Variants in NUBPL observed in about 807,000 individuals in gnomAD.
The protein encoded by NUBPL is NUBP iron-sulfur cluster assembly factor, mitochondrial, also known as iron-sulfur cluster transfer protein NUBPL.
Under a neutral mutation model 45.7 loss-of-function variants are expected in NUBPL, and 31 were observed. That is an observed-to-expected ratio of 0.68 (90% CI 0.51 to 0.92). The LOEUF is 0.92. Ranked by LOEUF, NUBPL falls within the 40% of genes least tolerant of loss-of-function variation. The pLI is 0.00. For missense variants in NUBPL, 401 were observed against 398.7 expected (o/e 1.01, Z -0.05); for synonymous variants, 144 against 140.9 (o/e 1.02, Z -0.15).
At chr14:31,628,840 A>G (rs1369331770) in intron 4 of NUBPL, among the ~76,000 whole-genome samples, 2 of 152,220 alleles carry the variant, frequency 1.3e-5, no homozygotes, top group African/African-American at 4.8e-5. Flanking sequence ...GATAAATTGA[A>G]TAATTTTTAC....
intron 4 of NUBPL, among the ~76,000 whole-genome samples, chr14:31,640,253 T>C (rs1315410735): frequency 6.6e-6 from 1 of 152,146 alleles, no homozygotes; most frequent in Non-Finnish European, 1.5e-5. Flanking sequence ...ATCAGTTCTT[T>C]ACACTACTTT....
At chr14:31,781,571 A>C (rs2138797942) in intron 6 of NUBPL, among the ~76,000 whole-genome samples, 1 of 152,374 alleles carries the variant, frequency 6.6e-6, no homozygotes, top group South Asian at 2.1e-4. Flanking sequence ...CTTCAGAATT[A>C]AAAATCAAAA....
intron 4 of NUBPL, among the ~76,000 whole-genome samples, chr14:31,601,853 T>G: frequency 6.6e-6 from 1 of 152,086 alleles, no homozygotes; most frequent in Non-Finnish European, 1.5e-5. Flanking sequence ...GATCTAGAAC[T>G]AGAAATACCA....
At chr14:31,727,076 A>G (rs774964705) in intron 6 of NUBPL, among the ~76,000 whole-genome samples, 2 of 152,194 alleles carry the variant, frequency 1.3e-5, no homozygotes, top group Non-Finnish European at 2.9e-5. Flanking sequence ...GAACACACCC[A>G]TGCTAATAGA....
chr14:31,767,023 A>T (rs2038924511), intron 6 of NUBPL, among the ~76,000 whole-genome samples: 1 of 152,090 alleles, frequency 6.6e-6, no homozygotes, highest in Non-Finnish European at 1.5e-5. Flanking sequence ...TACTGAAAAA[A>T]ATTTTCTAAC....
At chr14:31,829,487 A>AG (rs1320920199) in intron 8 of NUBPL, among the ~76,000 whole-genome samples, 1 of 152,202 alleles carries the variant, frequency 6.6e-6, no homozygotes, top group Non-Finnish European at 1.5e-5. Flanking sequence ...ATGAGTGGGA[A>AG]GTGGATTTGT....
In NUBPL at chr14:31,859,503, G is replaced by T. The variant is rs2040678852; in HGVS notation, c.*323G>T. The T allele has an allele frequency of 2.7e-6, 1 of 373,712 alleles. No homozygotes were observed. The highest frequency in any genetic ancestry group is 5.1e-6 in the Non-Finnish European group (1 of 196,260). The allele number at this position is 373,712 out of a possible 1,614,324, so 23.1% of individuals were successfully genotyped here. ...TTTGGGAGAGAACTGTACACTTTTT[G>T]CAGGACCACAGAATTAGTAATTTAA... On this transcript the variant is annotated 3_prime_UTR_variant, in exon 11 of 11. Coordinates refer to ENST00000281081, the MANE Select transcript of NUBPL (RefSeq NM_025152.3).
At chr14:31,858,795 G>A (rs2040665459) in intron 10 of NUBPL, among the ~76,000 whole-genome samples, 1 of 152,160 alleles carries the variant, frequency 6.6e-6, no homozygotes, top group Non-Finnish European at 1.5e-5. Context: ...CAATTTTTCA[G>A]AGCAAAAAGG....
At chr14:31,577,517 G>T (rs1037847786) in intron 3 of NUBPL, among the ~76,000 whole-genome samples, 2 of 152,278 alleles carry the variant, frequency 1.3e-5, no homozygotes, top group Middle Eastern at 3.4e-3. Context: ...AGTTTCAAGC[G>T]ATTCCCCTGC....
At chr14:31,755,844 A>G (rs1191074815) in intron 6 of NUBPL, among the ~76,000 whole-genome samples, 1 of 150,734 alleles carries the variant, frequency 6.6e-6, no homozygotes, top group East Asian at 1.9e-4. Context: ...CTAACGTTTA[A>G]GTCTTTAATC....
chr14:31,668,291 A>T (rs1034081649), intron 4 of NUBPL, among the ~76,000 whole-genome samples: 1 of 152,214 alleles, frequency 6.6e-6, no homozygotes, highest in African/African-American at 2.4e-5. Context: ...CAGTCTGCCC[A>T]TAGCTGCTTT....
intron 4 of NUBPL, among the ~76,000 whole-genome samples, chr14:31,646,193 CG>C (rs1003958037): frequency 8.6e-5 from 13 of 151,896 alleles, no homozygotes; most frequent in East Asian, 3.9e-4. Flanking sequence ...GCCCTTCCCC[CG>C]CTTTTTTTTT....
At chr14:31,821,334 T>C (rs1408659510) in intron 7 of NUBPL, among the ~76,000 whole-genome samples, 2 of 152,068 alleles carry the variant, frequency 1.3e-5, no homozygotes, top group African/African-American at 4.8e-5. Context: ...CTGCAACAAC[T>C]CTATAGGAAA....
chr14:31,813,697 T>C (rs111290465), intron 7 of NUBPL, among the ~76,000 whole-genome samples: 11,610 of 152,140 alleles, frequency 0.076, 495 homozygotes, highest in Non-Finnish European at 0.092. Flanking sequence ...GCCCCCAACC[T>C]CTGACAGACC....
At chr14:31,812,724 A>T (rs1307229640) in intron 7 of NUBPL, among the ~76,000 whole-genome samples, 1 of 152,108 alleles carries the variant, frequency 6.6e-6, no homozygotes, top group Non-Finnish European at 1.5e-5. Flanking sequence ...TGTGGATCAC[A>T]CTGGGAGCTG....
At chr14:31,638,583 C>T (rs1387316618) in intron 4 of NUBPL, among the ~76,000 whole-genome samples, 6 of 151,912 alleles carry the variant, frequency 3.9e-5, no homozygotes, top group East Asian at 1.9e-4. Flanking sequence ...TTGCTCTTCT[C>T]GAGGAGTATC....
chr14:31,727,799 A>G (rs1038771754), intron 6 of NUBPL, among the ~76,000 whole-genome samples: 4 of 152,180 alleles, frequency 2.6e-5, no homozygotes, highest in African/African-American at 9.6e-5. Flanking sequence ...CCCTGCTTGT[A>G]TTATATTTTA....
At chr14:31,582,912 G>A (rs1180866154) in intron 3 of NUBPL, among the ~76,000 whole-genome samples, 1 of 152,142 alleles carries the variant, frequency 6.6e-6, no homozygotes, top group African/African-American at 2.4e-5. Context: ...CATTTTTAAA[G>A]GAGGAAATTA....
chr14:31,693,857 CT>C (rs36082577), intron 6 of NUBPL, among the ~76,000 whole-genome samples: 186 of 59,168 alleles, frequency 3.1e-3, no homozygotes, highest in African/African-American at 7.0e-3. Flanking sequence ...CTTTTCTTTT[CT>C]TTTTTTTTTT....
Sources: gnomAD v4.1 joint callset for allele counts (sites outside exome capture counted in the v4.1 genomes callset) on GRCh38, gnomAD v4.1.1 for gene constraint, MANE v1.5 for transcripts, NCBI Gene and HGNC (gene_info 2026-07-23, HGNC 2026-07-21) for gene names.